Variants in ZNF385D observed in about 807,000 individuals in gnomAD.
ZNF385D encodes the protein zinc finger protein 385D, also known as zinc finger protein 659.
A neutral mutation model predicts 35.8 loss-of-function variants in ZNF385D; 15 were observed. That is an observed-to-expected ratio of 0.42 (90% CI 0.28 to 0.64). The LOEUF is 0.64. Among genes scored for constraint, ZNF385D ranks in the 30% least tolerant of loss-of-function variants. ZNF385D has a pLI of 0.23. For missense variants in ZNF385D, 474 were observed against 494.6 expected, an observed-to-expected ratio of 0.96 and a Z score of 0.39; for synonymous variants, 212 against 186.8, an observed-to-expected ratio of 1.13 and a Z score of -1.10.
intron 2 of ZNF385D, among the ~76,000 whole-genome samples, chr3:22,327,042 C>T (rs1279465894): frequency 1.3e-5 from 2 of 152,084 alleles, no homozygotes; most frequent in Non-Finnish European, 2.9e-5. Flanking sequence ...GAAAGTGAAA[C>T]CCAAATGACT....
At chr3:22,230,752 A>T (rs1334049897) in intron 2 of ZNF385D, among the ~76,000 whole-genome samples, 1 of 152,162 alleles carries the variant, frequency 6.6e-6, no homozygotes, top group Non-Finnish European at 1.5e-5. Context: ...AATCCAGAAA[A>T]GTTTATAGAG....
intron 3 of ZNF385D, among the ~76,000 whole-genome samples, chr3:21,959,553 C>G (rs1172184592): frequency 6.6e-6 from 1 of 152,104 alleles, no homozygotes; most frequent in South Asian, 2.1e-4. Context: ...AAGGTACTTG[C>G]CCTAACTCCA....
intron 3 of ZNF385D, among the ~76,000 whole-genome samples, chr3:21,884,898 A>G (rs1342370469): frequency 1.5e-5 from 2 of 130,126 alleles, no homozygotes; most frequent in Non-Finnish European, 3.2e-5. Flanking sequence ...CTCAATCCAA[A>G]ATTTATCTGC....
chr3:21,758,975 CAAAAAAAAAA>C (rs58450064), intron 3 of ZNF385D, among the ~76,000 whole-genome samples: 23 of 29,228 alleles, frequency 7.9e-4, no homozygotes, highest in African/African-American at 1.2e-3. Context: ...TCATCACTGG[CAAAAAAAAAA>C]AAAAAAAAAA....
At chr3:22,164,799 GATA>G (rs1706206225) in intron 3 of ZNF385D, among the ~76,000 whole-genome samples, 2 of 151,958 alleles carry the variant, frequency 1.3e-5, no homozygotes, top group South Asian at 4.2e-4. Context: ...AAAGTGTCCG[GATA>G]ATTTTTATTT....
chr3:22,099,714 A>G (rs1196039781), intron 3 of ZNF385D, among the ~76,000 whole-genome samples: 2 of 151,982 alleles, frequency 1.3e-5, no homozygotes, highest in South Asian at 2.1e-4. Flanking sequence ...GGGGATACCA[A>G]TAGAAGGATG....
At chr3:22,223,924 AGGGACTT>A in intron 2 of ZNF385D, among the ~76,000 whole-genome samples, 1 of 152,320 alleles carries the variant, frequency 6.6e-6, no homozygotes, top group African/African-American at 2.4e-5. Flanking sequence ...ATGTAAAGTC[AGGGACTT>A]TGCCTATTTT....
At chr3:21,885,121 A>G (rs953347310) in intron 3 of ZNF385D, among the ~76,000 whole-genome samples, 1 of 152,088 alleles carries the variant, frequency 6.6e-6, no homozygotes, top group Non-Finnish European at 1.5e-5. Context: ...GGTGGAAAAA[A>G]TGTTAATAAT....
At chr3:22,040,136 G>C (rs1278324633) in intron 3 of ZNF385D, among the ~76,000 whole-genome samples, 2 of 146,782 alleles carry the variant, frequency 1.4e-5, no homozygotes, top group African/African-American at 5.0e-5. Flanking sequence ...CATTGTGTAG[G>C]TCTAGGGTGA....
chr3:21,797,119 A>G (rs1033066173), intron 3 of ZNF385D, among the ~76,000 whole-genome samples: 1 of 152,240 alleles, frequency 6.6e-6, no homozygotes, highest in Non-Finnish European at 1.5e-5. Flanking sequence ...TCCAAAATAT[A>G]CAAAGAACTA....
intron 3 of ZNF385D, among the ~76,000 whole-genome samples, chr3:21,975,489 A>T: frequency 6.6e-6 from 1 of 152,252 alleles, no homozygotes; most frequent in East Asian, 1.9e-4. Context: ...TTGATAGCAC[A>T]ACAAGGTGAC....
At chr3:21,778,460 G>C (rs2071374317) in intron 3 of ZNF385D, among the ~76,000 whole-genome samples, 1 of 151,792 alleles carries the variant, frequency 6.6e-6, no homozygotes, top group African/African-American at 2.4e-5. Context: ...CATCTCACAG[G>C]GGTAATCTAA....
chr3:21,534,726 A>C (rs2061997703), intron 3 of ZNF385D, among the ~76,000 whole-genome samples: 1 of 152,128 alleles, frequency 6.6e-6, no homozygotes, highest in African/African-American at 2.4e-5. Context: ...TCTAGTCCTT[A>C]ATCTATGGGA....
intron 4 of ZNF385D, among the ~76,000 whole-genome samples, chr3:21,478,038 A>G (rs1704360673): frequency 6.6e-6 from 1 of 152,104 alleles, no homozygotes; most frequent in African/African-American, 2.4e-5. Context: ...TTACTTCCTC[A>G]TCCCTAATGA....
chr3:21,795,935 G>A (rs1606851), intron 3 of ZNF385D, among the ~76,000 whole-genome samples: 54,960 of 151,934 alleles, frequency 0.36, 10,067 homozygotes, highest in African/African-American at 0.39. Flanking sequence ...TGCTACAAAG[G>A]TAAGTAAAAG....
At chr3:22,099,521 G>C (rs1701813168) in intron 3 of ZNF385D, among the ~76,000 whole-genome samples, 3 of 152,126 alleles carry the variant, frequency 2.0e-5, no homozygotes, top group Admixed American at 6.6e-5. Flanking sequence ...TTTATCCAGA[G>C]AGAATGGGAT....
chr3:22,302,458 C>T (rs1702955226), intron 2 of ZNF385D, among the ~76,000 whole-genome samples: 1 of 151,866 alleles, frequency 6.6e-6, no homozygotes, highest in Admixed American at 6.6e-5. Context: ...TTCCTACTCA[C>T]TGATCTGTAA....
intron 3 of ZNF385D, among the ~76,000 whole-genome samples, chr3:21,949,727 C>T (rs975915233): frequency 1.3e-5 from 2 of 151,902 alleles, no homozygotes; most frequent in African/African-American, 2.4e-5. Flanking sequence ...AGCCAACAGG[C>T]CCTGGTGTGT....
At chr3:22,339,280 G>A (rs980786829) in intron 2 of ZNF385D, among the ~76,000 whole-genome samples, 12 of 152,094 alleles carry the variant, frequency 7.9e-5, no homozygotes, top group South Asian at 2.1e-4. Flanking sequence ...GCCCAAGTGC[G>A]TAAGTAAATA....
Sources: allele counts gnomAD v4.1 joint callset (sites outside exome capture counted in the v4.1 genomes callset), GRCh38; gene constraint gnomAD v4.1.1; transcripts MANE v1.5; gene names NCBI Gene and HGNC (gene_info 2026-07-23, HGNC 2026-07-21).